The following NAV3 variants were observed in gnomAD, a reference collection of about 807,000 sequenced individuals.
The protein encoded by NAV3 is neuron navigator 3.
In NAV3, 87 loss-of-function variants were observed where a neutral mutation model predicts 244.7. The observed-to-expected ratio is 0.36, with a 90% CI of 0.30 to 0.42. The LOEUF is 0.42. NAV3 is among the 20% of genes least tolerant of loss of function. NAV3 has a pLI of 1.00. For missense variants in NAV3, 2,663 were observed against 2,893.3 expected, an observed-to-expected ratio of 0.92 and a Z score of 1.83; for synonymous variants, 1,126 against 1,042.2, an observed-to-expected ratio of 1.08 and a Z score of -1.55.
intron 2 of NAV3, among the ~76,000 whole-genome samples, chr12:77,661,632 C>T (rs1283176725): frequency 6.6e-6 from 1 of 151,912 alleles, no homozygotes; most frequent in East Asian, 1.9e-4. Flanking sequence ...AATGCCAGGC[C>T]CCCCAAATTT....
intron 34 of NAV3, among the ~76,000 whole-genome samples, chr12:78,194,705 C>T (rs948439953): frequency 6.6e-6 from 1 of 152,018 alleles, no homozygotes; most frequent in African/African-American, 2.4e-5. Context: ...GTTGCAGTTT[C>T]CTTTACAATT....
chr12:77,965,493 C>A (rs948524159), intron 3 of NAV3, among the ~76,000 whole-genome samples: 1 of 152,098 alleles, frequency 6.6e-6, no homozygotes, highest in Non-Finnish European at 1.5e-5. Flanking sequence ...GTGGCGTGCG[C>A]CTGTAGTCCC....
At chr12:77,821,582 A>G (rs1305133945) in intron 2 of NAV3, among the ~76,000 whole-genome samples, 2 of 152,150 alleles carry the variant, frequency 1.3e-5, no homozygotes, top group African/African-American at 2.4e-5. Flanking sequence ...ATTGCAAATG[A>G]CATTTTTATG....
At chr12:77,825,608 G>A (rs1447759146) in intron 2 of NAV3, among the ~76,000 whole-genome samples, 4 of 152,102 alleles carry the variant, frequency 2.6e-5, no homozygotes, top group Non-Finnish European at 5.9e-5. Flanking sequence ...TACAGATAAA[G>A]TTGAAAGAAC....
At chr12:77,997,883 C>G (rs1396245217) in intron 6 of NAV3, among the ~76,000 whole-genome samples, 1 of 152,126 alleles carries the variant, frequency 6.6e-6, no homozygotes, top group Non-Finnish European at 1.5e-5. Context: ...TGATTAATAT[C>G]CAAGCAAACT....
intron 2 of NAV3, among the ~76,000 whole-genome samples, chr12:77,639,578 G>T (rs1872305463): frequency 6.6e-6 from 1 of 152,126 alleles, no homozygotes; most frequent in Admixed American, 6.6e-5. Flanking sequence ...CTGCAAAGTT[G>T]ATGTGAAGGA....
At chr12:77,664,199 A>C (rs1018352323) in intron 2 of NAV3, among the ~76,000 whole-genome samples, 1 of 152,326 alleles carries the variant, frequency 6.6e-6, no homozygotes, top group African/African-American at 2.4e-5. Flanking sequence ...TTTAATGGAG[A>C]TGTTTGGATC....
intron 20 of NAV3, among the ~76,000 whole-genome samples, chr12:78,144,097 G>A (rs1448750): frequency 0.13 from 19,504 of 152,004 alleles, 1,681 homozygotes; most frequent in Admixed American, 0.27. Context: ...TTTGATCCCT[G>A]CAATAGATGT....
At chr12:77,660,669 A>G (rs1324990380) in intron 2 of NAV3, among the ~76,000 whole-genome samples, 2 of 152,154 alleles carry the variant, frequency 1.3e-5, no homozygotes, top group Non-Finnish European at 2.9e-5. Flanking sequence ...AGGTATAAGT[A>G]TGTATATATG....
intron 1 of NAV3, among the ~76,000 whole-genome samples, chr12:77,886,319 C>T (rs1478457379): frequency 6.6e-6 from 1 of 152,062 alleles, no homozygotes; most frequent in East Asian, 1.9e-4. Context: ...AAATTATTTC[C>T]CTCCAGCTCA....
At chr12:77,707,053 T>C (rs957442074) in intron 2 of NAV3, among the ~76,000 whole-genome samples, 5 of 150,338 alleles carry the variant, frequency 3.3e-5, no homozygotes, top group South Asian at 2.1e-4. Flanking sequence ...GCTACCTTTT[T>C]TTTCTTTCTT....
chr12:77,638,141 A>G (rs1872238815), intron 2 of NAV3, among the ~76,000 whole-genome samples: 1 of 152,198 alleles, frequency 6.6e-6, no homozygotes, highest in Admixed American at 6.5e-5. Flanking sequence ...CTTATGAGGA[A>G]AATTAATGTC....
intron 12 of NAV3, among the ~76,000 whole-genome samples, chr12:78,097,848 C>G (rs1954336573): frequency 6.6e-6 from 1 of 152,066 alleles, no homozygotes; most frequent in Non-Finnish European, 1.5e-5. Flanking sequence ...TCCCTTTTCA[C>G]TTAACCTTGA....
chr12:78,136,993 G>A (rs1169886156), intron 18 of NAV3, among the ~76,000 whole-genome samples, 184 bp from the exon 19 acceptor site: 1 of 152,092 alleles, frequency 6.6e-6, no homozygotes, highest in African/African-American at 2.4e-5. Flanking sequence ...ACGTGCCAGA[G>A]GAAAAGAGGG....
chr12:77,593,290 G>GTC (rs1339283090), intron 2 of NAV3, among the ~76,000 whole-genome samples: 3 of 151,786 alleles, frequency 2.0e-5, no homozygotes, highest in African/African-American at 7.3e-5. Flanking sequence ...CTGTGTGTGT[G>GTC]TGTGTGTGTG....
chr12:78,210,694 T>G lies in NAV3; in HGVS notation c.*177T>G, dbSNP rs1339776710. 1.5e-6 allele frequency: 1 copy of G among 665,192 alleles called. No homozygotes were observed. Among genetic ancestry groups the G allele is most frequent in the Non-Finnish European group, 2.5e-6 (1 of 393,148 alleles). The allele number at this position is 665,192 out of a possible 1,614,324, so 41.2% of individuals were successfully genotyped here. On this transcript the variant is annotated 3_prime_UTR_variant, in exon 40 of 40. Transcript: ENST00000397909. ...GAACCGCCAAGATGCTAAATTGCAA[T>G]GGAAGCTTAACTTTAGTTTATTTCT...
chr12:78,140,226 G>A (rs1956548022), intron 19 of NAV3, 56 bp from the exon 20 acceptor site: 1 of 1,479,126 alleles, frequency 6.8e-7, no homozygotes, highest in Non-Finnish European at 9.4e-7. Flanking sequence ...GTAAAGGCTG[G>A]AATTTTTGAG....
chr12:77,877,427 T>C (rs1460711794), intron 1 of NAV3, among the ~76,000 whole-genome samples: 1 of 152,210 alleles, frequency 6.6e-6, no homozygotes, highest in African/African-American at 2.4e-5. Flanking sequence ...TCTGTCAGTA[T>C]ATTTTGAGAC....
chr12:78,176,790 G>A (rs79422653), intron 26 of NAV3, among the ~76,000 whole-genome samples: 139 of 152,116 alleles, frequency 9.1e-4, no homozygotes, highest in Non-Finnish European at 1.7e-3. Flanking sequence ...CTTGATTGTA[G>A]CGCTAAAGTG....
Sources: allele counts gnomAD v4.1 joint callset (sites outside exome capture counted in the v4.1 genomes callset), GRCh38; gene constraint gnomAD v4.1.1; transcripts MANE v1.5; gene names NCBI Gene and HGNC (gene_info 2026-07-23, HGNC 2026-07-21).